CRTAC1: variants seen among roughly 807,000 people sequenced by gnomAD.
The protein encoded by CRTAC1 is cartilage acidic protein 1.
CRTAC1 carries 37 observed loss-of-function variants against 67.8 expected under a neutral mutation model. The ratio of observed to expected loss-of-function variants is 0.55; its 90% CI spans 0.42 to 0.72. CRTAC1 has a LOEUF of 0.72. CRTAC1 is among the 30% of genes least tolerant of loss of function. The pLI is 0.00. For synonymous variants in CRTAC1, 348 were observed against 371.0 expected (o/e 0.94, Z 0.71); for missense variants, 780 against 931.6 (o/e 0.84, Z 2.12).
intron 14 of CRTAC1, chr10:97,867,623 T>G (rs1375320121): frequency 6.6e-6 from 1 of 152,090 alleles, no homozygotes; most frequent in East Asian, 1.9e-4. Flanking sequence ...ATGCCCTCCC[T>G]GGGCCCCTGT....
At chr10:97,952,990 T>C (rs1480712080) in intron 2 of CRTAC1, among the ~76,000 whole-genome samples, 4 of 152,196 alleles carry the variant, frequency 2.6e-5, no homozygotes, top group African/African-American at 4.8e-5. Context: ...GCTGAGTAGA[T>C]TCCCACTCCC....
intron 2 of CRTAC1, among the ~76,000 whole-genome samples, chr10:97,950,823 A>G (rs2051343250): frequency 6.6e-6 from 1 of 152,206 alleles, no homozygotes; most frequent in African/African-American, 2.4e-5. Flanking sequence ...GGACAAGAAG[A>G]TAGGACAAGG....
intron 5 of CRTAC1, among the ~76,000 whole-genome samples, chr10:97,914,353 A>C (rs1322508891): frequency 1.3e-5 from 2 of 152,178 alleles, no homozygotes; most frequent in Admixed American, 1.3e-4. Context: ...GCTCTGGCAG[A>C]GCCTCAGAGT....
chr10:97,997,045 TGG>T (rs1391133833), intron 2 of CRTAC1, among the ~76,000 whole-genome samples: 1 of 118,648 alleles, frequency 8.4e-6, no homozygotes, highest in East Asian at 2.5e-4. Context: ...TGAGAACACA[TGG>T]ACACAGGAAG....
At position 97,895,180 on chromosome 10, in the gene CRTAC1, G is replaced by A. The variant is rs12266847; in HGVS notation, c.1486+65C>T. ...AGCGGTGCCCAAGGATGCTCGGGCT[G>A]TGAGTCCCTGAATCAGTCAGCATCC... is the stretch of plus-strand genomic sequence containing the variant. On this transcript the variant is annotated intron_variant, in intron 11 of 14. Transcript: ENST00000370597. The surrounding 1 kb of genome is among the most constrained non-coding windows in gnomAD (Gnocchi z 4.2). 5 of 1,523,514 alleles carry A rather than the reference G, an allele frequency of 3.3e-6. No individual in the cohort carries two copies. Among genetic ancestry groups the A allele is most frequent in the Non-Finnish European group, 4.5e-6 (5 of 1,118,786 alleles). 94.4% of individuals were successfully genotyped at this position (1,523,514 alleles called of 1,614,324 possible).
intron 2 of CRTAC1, among the ~76,000 whole-genome samples, chr10:97,943,806 GTTGA>G (rs1447160256): frequency 6.6e-6 from 1 of 152,222 alleles, no homozygotes; most frequent in Non-Finnish European, 1.5e-5. Flanking sequence ...AAATATTGAA[GTTGA>G]TTAATTGCAA....
At chr10:97,961,570 A>G (rs973298422) in intron 2 of CRTAC1, among the ~76,000 whole-genome samples, 1 of 152,254 alleles carries the variant, frequency 6.6e-6, no homozygotes, top group Non-Finnish European at 1.5e-5. Context: ...GCATGTGAAC[A>G]GGGAGGAGAC....
At chr10:97,873,034 C>T (rs1466128625) in intron 14 of CRTAC1, among the ~76,000 whole-genome samples, 1 of 152,188 alleles carries the variant, frequency 6.6e-6, no homozygotes, top group Non-Finnish European at 1.5e-5. Context: ...TTTCATCAGT[C>T]AGGCACTGCA....
At chr10:97,924,611 G>A (rs1037478787) in intron 3 of CRTAC1, among the ~76,000 whole-genome samples, 4 of 152,150 alleles carry the variant, frequency 2.6e-5, no homozygotes, top group East Asian at 1.9e-4. Flanking sequence ...TCTGAGCCTC[G>A]GTTTTCCTAC....
chr10:97,989,226 CACATG>C (rs1208295321), intron 2 of CRTAC1, among the ~76,000 whole-genome samples: 1 of 152,184 alleles, frequency 6.6e-6, no homozygotes, highest in Non-Finnish European at 1.5e-5. Flanking sequence ...CCTCCATAAT[CACATG>C]CCGATTCCTC....
intron 11 of CRTAC1, among the ~76,000 whole-genome samples, chr10:97,893,984 C>T (rs1391695671): frequency 1.3e-5 from 2 of 152,184 alleles, no homozygotes; most frequent in African/African-American, 4.8e-5. Context: ...GGCTGTATCA[C>T]AGTCACTTGA....
chr10:97,939,340 T>C (rs1475343716), intron 2 of CRTAC1, among the ~76,000 whole-genome samples: 1 of 152,174 alleles, frequency 6.6e-6, no homozygotes, highest in African/African-American at 2.4e-5. Context: ...GTAAGGTTGC[T>C]AGGCTGGGTC....
At chr10:97,965,889 A>ATT (rs2051607204) in intron 2 of CRTAC1, among the ~76,000 whole-genome samples, 5 of 152,208 alleles carry the variant, frequency 3.3e-5, no homozygotes, top group Admixed American at 3.3e-4. Context: ...TGAAAGCAGG[A>ATT]TTCAGAGGTT....
intron 5 of CRTAC1, among the ~76,000 whole-genome samples, chr10:97,910,592 G>A (rs994822560): frequency 6.6e-6 from 1 of 152,252 alleles, no homozygotes; most frequent in Non-Finnish European, 1.5e-5. Context: ...GTACACCTGT[G>A]TAAAGAAAGG....
chr10:97,896,076 G>C, intron 9 of CRTAC1, 91 bp from the exon 10 acceptor site: 1 of 1,139,398 alleles, frequency 8.8e-7, no homozygotes, highest in East Asian at 2.5e-5. Flanking sequence ...CCACAGCCCT[G>C]GGCGTGGGAG....
intron 2 of CRTAC1, among the ~76,000 whole-genome samples, chr10:98,003,366 C>T (rs1249783424): frequency 6.6e-6 from 1 of 152,168 alleles, no homozygotes; most frequent in Non-Finnish European, 1.5e-5. Context: ...AGCATTGGTC[C>T]TGCTGGGCTA....
chr10:97,933,410 T>G (rs1477417222), intron 3 of CRTAC1, among the ~76,000 whole-genome samples: 1 of 152,244 alleles, frequency 6.6e-6, no homozygotes, highest in Non-Finnish European at 1.5e-5. Flanking sequence ...CTGCCTTTCT[T>G]GACTTCCCTC....
chr10:97,902,676 G>A (rs1590195589), intron 7 of CRTAC1, among the ~76,000 whole-genome samples: 3 of 152,174 alleles, frequency 2.0e-5, no homozygotes, highest in African/African-American at 4.8e-5. Flanking sequence ...AAGTCCCAGG[G>A]CCCACGTGGA....
intron 12 of CRTAC1, among the ~76,000 whole-genome samples, chr10:97,883,215 A>G (rs577781645): frequency 6.6e-6 from 1 of 152,310 alleles, no homozygotes; most frequent in South Asian, 2.1e-4. Flanking sequence ...TCACTTCTCC[A>G]AGAACCTCTC....
Sources: gnomAD v4.1 joint callset for allele counts (sites outside exome capture counted in the v4.1 genomes callset) on GRCh38, gnomAD v4.1.1 for gene constraint, Gnocchi (gnomAD v3.1) non-coding constraint, MANE v1.5 for transcripts, NCBI Gene and HGNC (gene_info 2026-07-23, HGNC 2026-07-21) for gene names.